The following ZFHX3 variants were observed in gnomAD, a reference collection of about 807,000 sequenced individuals.
The protein encoded by ZFHX3 is zinc finger homeobox protein 3.
Under a neutral mutation model 279.1 loss-of-function variants are expected in ZFHX3, and 42 were observed. The observed-to-expected ratio is 0.15, with a 90% CI of 0.12 to 0.19. ZFHX3 has a LOEUF of 0.19. Ranked by LOEUF, ZFHX3 falls within the 10% of genes least tolerant of loss-of-function variation. The probability of loss-of-function intolerance (pLI) is 1.00; values close to 1 mark genes in which losing one functional copy is unlikely to be tolerated. For missense variants in ZFHX3, 4,981 were observed against 4,754.0 expected, an observed-to-expected ratio of 1.05 and a Z score of -1.40; for synonymous variants, 2,293 against 1,957.8, an observed-to-expected ratio of 1.17 and a Z score of -4.52.
intron 3 of ZFHX3, among the ~76,000 whole-genome samples, chr16:73,453,330 T>C (rs546005315): frequency 4.6e-5 from 7 of 152,298 alleles, no homozygotes; most frequent in East Asian, 1.9e-4. Flanking sequence ...CTTTGTGTAA[T>C]TGGATGTGGA....
At chr16:72,893,106 G>A (rs1236888156) in intron 3 of ZFHX3, among the ~76,000 whole-genome samples, 3 of 152,184 alleles carry the variant, frequency 2.0e-5, no homozygotes. Context: ...AAGAACTGCT[G>A]TCTTAGGTCA....
At chr16:72,984,596 T>C (rs1207532602) in intron 1 of ZFHX3, among the ~76,000 whole-genome samples, 1 of 148,966 alleles carries the variant, frequency 6.7e-6, no homozygotes. Flanking sequence ...ACTCCACTCC[T>C]GCCTGGGCCA....
At chr16:73,073,360 A>C (rs1965847803) in intron 8 of ZFHX3, among the ~76,000 whole-genome samples, 1 of 152,216 alleles carries the variant, frequency 6.6e-6, no homozygotes, top group Non-Finnish European at 1.5e-5. Flanking sequence ...TCGGTCATAG[A>C]TATGTCTCTC....
chr16:73,689,707 GAA>G (rs1019547593), intron 1 of ZFHX3, among the ~76,000 whole-genome samples: 5 of 152,326 alleles, frequency 3.3e-5, no homozygotes, highest in South Asian at 2.1e-4. Flanking sequence ...TGAAATTTTT[GAA>G]AGTTTCCTGG....
chr16:73,447,939 T>A (rs929478538), intron 3 of ZFHX3, among the ~76,000 whole-genome samples: 1 of 152,206 alleles, frequency 6.6e-6, no homozygotes, highest in South Asian at 2.1e-4. Context: ...GAGGAGTTGA[T>A]GTGAGGTAAA....
At chr16:73,438,493 G>A (rs8052473) in intron 3 of ZFHX3, among the ~76,000 whole-genome samples, 1 of 152,224 alleles carries the variant, frequency 6.6e-6, no homozygotes, top group African/African-American at 2.4e-5. Context: ...CTAGATAAAA[G>A]AAATAATCAT....
intron 4 of ZFHX3, among the ~76,000 whole-genome samples, chr16:72,877,883 T>C (rs192336418): frequency 5.6e-4 from 85 of 152,258 alleles, no homozygotes; most frequent in African/African-American, 1.9e-3. Context: ...ACGGGTTGAG[T>C]GGTGAAGGAG....
intron 2 of ZFHX3, among the ~76,000 whole-genome samples, chr16:73,507,957 T>A (rs2019357613): frequency 6.6e-6 from 1 of 152,156 alleles, no homozygotes. Context: ...TTAACAAATG[T>A]TAGGACCAAG....
chr16:72,910,821 G>A (rs879553686), intron 3 of ZFHX3, among the ~76,000 whole-genome samples: 4 of 152,102 alleles, frequency 2.6e-5, no homozygotes, highest in Non-Finnish European at 5.9e-5. Flanking sequence ...CAAAAAAACA[G>A]GGTTTCTGGC....
chr16:73,724,869 C>A (rs1007811444), intron 1 of ZFHX3, among the ~76,000 whole-genome samples: 1 of 152,214 alleles, frequency 6.6e-6, no homozygotes, highest in Non-Finnish European at 1.5e-5. Context: ...TCCTCCACCC[C>A]TACCCCTCAT....
intron 1 of ZFHX3, among the ~76,000 whole-genome samples, chr16:73,772,689 C>T (rs1253651555): frequency 2.0e-5 from 3 of 152,236 alleles, no homozygotes; most frequent in African/African-American, 7.2e-5. Context: ...AACTGCATCT[C>T]ATCCTCGGCC....
chr16:73,634,881 T>A (rs530146290), intron 2 of ZFHX3, among the ~76,000 whole-genome samples: 1 of 152,088 alleles, frequency 6.6e-6, no homozygotes, highest in Non-Finnish European at 1.5e-5. Flanking sequence ...AAGAGAGGTG[T>A]TTGTGGTTGT....
At chr16:73,669,031 A>AT (rs1011047568) in intron 2 of ZFHX3, among the ~76,000 whole-genome samples, 17 of 136,690 alleles carry the variant, frequency 1.2e-4, no homozygotes, top group Middle Eastern at 3.6e-3. Flanking sequence ...TTTCTTTTCT[A>AT]TTTTTTTTTC....
chr16:73,739,764 T>TAGGCTGGTCC (rs2053638698), intron 1 of ZFHX3, among the ~76,000 whole-genome samples: 1 of 152,188 alleles, frequency 6.6e-6, no homozygotes, highest in Non-Finnish European at 1.5e-5. Flanking sequence ...ACTGCTGGTC[T>TAGGCTGGTCC]AGGCTGGTCC....
At chr16:73,669,037 T>C (rs2142182898) in intron 2 of ZFHX3, among the ~76,000 whole-genome samples, 1 of 124,016 alleles carries the variant, frequency 8.1e-6, no homozygotes, top group South Asian at 3.3e-4. Context: ...TTCTATTTTT[T>C]TTTCTATTTA....
At chr16:73,592,488 G>T (rs2052009573) in intron 2 of ZFHX3, among the ~76,000 whole-genome samples, 1 of 151,962 alleles carries the variant, frequency 6.6e-6, no homozygotes, top group Non-Finnish European at 1.5e-5. Context: ...CCAAAATAAA[G>T]TATAAAAAAT....
At chr16:73,317,139 G>T (rs2015468888) in intron 4 of ZFHX3, among the ~76,000 whole-genome samples, 1 of 151,926 alleles carries the variant, frequency 6.6e-6, no homozygotes, top group South Asian at 2.1e-4. Context: ...TTAAGAGGGG[G>T]GTGGGTGGTG....
intron 2 of ZFHX3, among the ~76,000 whole-genome samples, chr16:73,480,751 G>A (rs539954278): frequency 1.9e-4 from 29 of 152,272 alleles, no homozygotes; most frequent in African/African-American, 7.0e-4. Flanking sequence ...GTCAGTAGCT[G>A]TTGCTGAGGC....
intron 4 of ZFHX3, among the ~76,000 whole-genome samples, chr16:72,880,993 A>G (rs756535958): frequency 9.9e-5 from 15 of 152,252 alleles, no homozygotes; most frequent in Non-Finnish European, 1.9e-4. Context: ...TCAGCAAGAA[A>G]AGATGTACCC....
Sources: gnomAD v4.1 joint callset for allele counts (sites outside exome capture counted in the v4.1 genomes callset) on GRCh38, gnomAD v4.1.1 for gene constraint, MANE v1.5 for transcripts, NCBI Gene and HGNC (gene_info 2026-07-23, HGNC 2026-07-21) for gene names.